The following PHF14 variants were observed in gnomAD, a reference collection of about 807,000 sequenced individuals.
PHF14 encodes PHD finger protein 14.
A neutral mutation model predicts 117.9 loss-of-function variants in PHF14; 55 were observed. That is an observed-to-expected ratio of 0.47 (90% CI 0.38 to 0.58). PHF14 has a LOEUF of 0.58. Among genes scored for constraint, PHF14 ranks in the 20% least tolerant of loss-of-function variants. The pLI is 0.00. For missense variants in PHF14, 978 were observed against 1,122.2 expected, an observed-to-expected ratio of 0.87 and a Z score of 1.84; for synonymous variants, 409 against 368.6, an observed-to-expected ratio of 1.11 and a Z score of -1.26.
intron 17 of PHF14, among the ~76,000 whole-genome samples, chr7:11,165,800 G>A (rs1011552851): frequency 6.6e-6 from 1 of 152,198 alleles, no homozygotes; most frequent in Non-Finnish European, 1.5e-5. Flanking sequence ...CAAATTGATA[G>A]TGCAAGCTGA....
rs776715855 is a variant in PHF14, at chr7:10,982,976, T to C, written c.717T>C (p.Asp239=). 11 of 1,589,070 alleles carry C rather than the reference T, an allele frequency of 6.9e-6. No individual in the cohort carries two copies. The highest frequency in any genetic ancestry group is 9.4e-6 in the Non-Finnish European group (11 of 1,167,792). Residue 239 remains aspartate, a synonymous_variant, in exon 3 of 18, where the codon GAT becomes GAC. Coordinates refer to ENST00000634607, the MANE Select transcript of PHF14 (RefSeq NM_001007157.2). ...KEGSDGDNED[D]EDEGSGSDED... ...GAAGTGATGGAGACAATGAGGATGA[T>C]GAAGATGAGGGAAGCGGGAGTGATG...
chr7:11,037,086 A>G lies in PHF14; in HGVS notation c.1975A>G (p.Asn659Asp). ...ACAAGAAAAGCTTCATGTAGAATAT[A>G]ATAAGGTAAGTTAGCTACAAAATAT... ...NEQEKLHVEY[N>D]KLCESLEELQ... The change falls in exon 10 of 18, where the codon AAT becomes GAT. Residue 659 changes from asparagine (N) to aspartate (D), a missense_variant. Asn to Asp is a conservative substitution (Grantham distance 23). Transcript: ENST00000634607. 1 of 1,492,330 alleles carries G rather than the reference A, an allele frequency of 6.7e-7. No individual in the cohort carries two copies. The highest frequency in any genetic ancestry group is 9.1e-7 in the Non-Finnish European group (1 of 1,100,928). 92.4% of individuals were successfully genotyped at this position (1,492,330 alleles called of 1,614,324 possible). A position where few individuals can be genotyped will look rare whatever the true frequency, so the allele number is the denominator to read the frequency against.
chr7:11,101,280 T>C (rs1042393021), intron 16 of PHF14, among the ~76,000 whole-genome samples: 4 of 151,920 alleles, frequency 2.6e-5, no homozygotes, highest in African/African-American at 9.7e-5. Flanking sequence ...CAAATACATA[T>C]TTTCAGTTGT....
At chr7:11,014,470 T>A (rs1783456261) in intron 5 of PHF14, among the ~76,000 whole-genome samples, 1 of 152,080 alleles carries the variant, frequency 6.6e-6, no homozygotes, top group Non-Finnish European at 1.5e-5. Context: ...CAGGCTTTGT[T>A]GGAGAAATTA....
intron 12 of PHF14, 131 bp from the exon 13 acceptor site, chr7:11,042,552 T>C (rs959291310): frequency 1.8e-6 from 1 of 570,848 alleles, no homozygotes; most frequent in African/African-American, 1.9e-5. Flanking sequence ...TGAAAGAAAT[T>C]GTCTATCTCA....
chr7:11,036,579 C>A lies in PHF14; in HGVS notation c.1764C>A (p.Ile588=). The A allele has an allele frequency of 6.2e-7, 1 of 1,613,846 alleles. No homozygotes were observed. Residue 588 remains isoleucine, a synonymous_variant, in exon 9 of 18, where the codon ATC becomes ATA. Transcript: ENST00000634607. ...KLMRKAELMG[I]STDIFPVDNS... ...TGCGGAAAGCAGAACTCATGGGGAT[C>A]AGTACAGATATCTTTCCAGTGGACA...
intron 2 of PHF14, among the ~76,000 whole-genome samples, chr7:10,981,363 T>C (rs1003701119): frequency 4.6e-5 from 7 of 152,188 alleles, no homozygotes; most frequent in African/African-American, 1.7e-4. Context: ...CCTCTTTCCC[T>C]CCTCCCATTT....
At chr7:10,985,489 C>T (rs1004006516) in intron 3 of PHF14, among the ~76,000 whole-genome samples, 1 of 151,926 alleles carries the variant, frequency 6.6e-6, no homozygotes, top group African/African-American at 2.4e-5. Context: ...CTGAAACTTT[C>T]ATAATTTTGA....
intron 16 of PHF14, chr7:11,103,801 A>G (rs1037732923): frequency 1.0e-6 from 1 of 984,814 alleles, no homozygotes; most frequent in African/African-American, 1.7e-5. Flanking sequence ...ATTGGATGAG[A>G]TGTTTGATAA....
intron 16 of PHF14, among the ~76,000 whole-genome samples, chr7:11,083,801 T>A (rs959224577): frequency 1.1e-4 from 17 of 152,116 alleles, no homozygotes; most frequent in Non-Finnish European, 2.1e-4. Flanking sequence ...TTATTTGGGA[T>A]AGAATCACTT....
chr7:11,127,705 G>C (rs1178940118), intron 17 of PHF14, among the ~76,000 whole-genome samples: 1 of 152,022 alleles, frequency 6.6e-6, no homozygotes, highest in African/African-American at 2.4e-5. Context: ...TCATTCTTCA[G>C]ACTTCTCCTT....
intron 5 of PHF14, among the ~76,000 whole-genome samples, chr7:11,018,219 T>G (rs573523878): frequency 2.0e-5 from 3 of 152,298 alleles, no homozygotes; most frequent in African/African-American, 7.2e-5. Context: ...TAGGATAGCT[T>G]TGGCTCTTCT....
In PHF14 at chr7:11,088,041, C is replaced by T. The variant is rs537879479; in HGVS notation, c.2655-23309C>T. On this transcript the variant is annotated intron_variant, in intron 16 of 17. Coordinates refer to ENST00000634607, the MANE Select transcript of PHF14 (RefSeq NM_001007157.2). ...TAACTTTGCAGAGTTATCATTATTA[C>T]AGTCATCCCTCCATATCCGTGGGGC... 4.3e-4 allele frequency among the ~76,000 whole-genome samples: 66 copies of T among 152,222 alleles called. No homozygotes were observed. In the South Asian group the frequency reaches 8.5e-3, roughly 20 times the overall value.
In PHF14 at chr7:11,042,831, A is replaced by G. The variant is rs1427541433; in HGVS notation, c.2312+17A>G. 2 of 1,527,916 alleles carry G rather than the reference A, an allele frequency of 1.3e-6. No homozygotes were observed. Among genetic ancestry groups the G allele is most frequent in the Non-Finnish European group, 1.8e-6 (2 of 1,122,210 alleles). 94.6% of individuals were successfully genotyped at this position (1,527,916 alleles called of 1,614,324 possible). A position where few individuals can be genotyped will look rare whatever the true frequency, so the allele number is the denominator to read the frequency against. ...CAGTTATTGGTGAGTAAAATAGAGG[A>G]GATTTAGATGTTTGAATTGATTTAC... On this transcript the variant is annotated intron_variant, in intron 13 of 17. Coordinates refer to ENST00000634607, the MANE Select transcript of PHF14 (RefSeq NM_001007157.2).
Position 11,097,116 on chromosome 7 carries a change from A to T in PHF14, c.2655-14234A>T, listed in dbSNP as rs376562531. 1.9e-3 allele frequency among the ~76,000 whole-genome samples: 289 copies of T among 151,100 alleles called. 2 individuals carry two copies. Among genetic ancestry groups the T allele is most frequent in the South Asian group, 0.014 (69 of 4,792 alleles). ...TGCCTCAGCCTCCCAAGTAGCTGGGATTACAGGCATGCACCACCATGCCCG... is the reference window on the plus strand; with the variant it reads ...TGCCTCAGCCTCCCAAGTAGCTGGGTTTACAGGCATGCACCACCATGCCCG... On this transcript the variant is annotated intron_variant, in intron 16 of 17. Coordinates refer to ENST00000634607, the MANE Select transcript of PHF14 (RefSeq NM_001007157.2).
intron 17 of PHF14, among the ~76,000 whole-genome samples, chr7:11,155,903 A>G (rs554799979): frequency 1.3e-5 from 2 of 152,040 alleles, no homozygotes; most frequent in Non-Finnish European, 2.9e-5. Flanking sequence ...TTAAAATTTT[A>G]TTTTATAAAA....
At chr7:11,150,261 C>G (rs1325286094) in intron 17 of PHF14, among the ~76,000 whole-genome samples, 1 of 152,052 alleles carries the variant, frequency 6.6e-6, no homozygotes, top group Non-Finnish European at 1.5e-5. Context: ...GTTATTGTTA[C>G]TGGTTATAGT....
intron 17 of PHF14, among the ~76,000 whole-genome samples, chr7:11,152,528 A>G (rs1583506084): frequency 6.6e-6 from 1 of 152,208 alleles, no homozygotes; most frequent in South Asian, 2.1e-4. Flanking sequence ...ATTATTATTT[A>G]CTTGATTCCC....
intron 7 of PHF14, among the ~76,000 whole-genome samples, chr7:11,034,539 ATTTTT>A (rs56043099): frequency 3.2e-4 from 20 of 63,096 alleles, no homozygotes; most frequent in South Asian, 1.9e-3. Context: ...TCTTAATTCT[ATTTTT>A]TTTTTTTTTT....
Sources: gnomAD v4.1 joint callset for allele counts (sites outside exome capture counted in the v4.1 genomes callset) on GRCh38, gnomAD v4.1.1 for gene constraint, MANE v1.5 for transcripts, NCBI Gene and HGNC (gene_info 2026-07-23, HGNC 2026-07-21) for gene names.